The following MEGF10 variants were observed in gnomAD, a reference collection of about 807,000 sequenced individuals.
MEGF10 encodes the protein multiple epidermal growth factor-like domains protein 10.
Under a neutral mutation model 147.5 loss-of-function variants are expected in MEGF10, and 86 were observed. The ratio of observed to expected loss-of-function variants is 0.58; its 90% CI spans 0.49 to 0.70. MEGF10 has a LOEUF of 0.70. Ranked by LOEUF, MEGF10 falls within the 30% of genes least tolerant of loss-of-function variation. The pLI, the probability that MEGF10 is intolerant of heterozygous loss-of-function variation, is 0.00. For missense variants in MEGF10, 1,329 were observed against 1,487.3 expected (o/e 0.89, Z 1.75); for synonymous variants, 478 against 525.5 (o/e 0.91, Z 1.24).
chr5:127,253,944 A>G, the MEGF10 span, among the ~76,000 whole-genome samples: 1 of 152,122 alleles, frequency 6.6e-6, no homozygotes, highest in Non-Finnish European at 1.5e-5. Flanking sequence ...GTTCTTATTT[A>G]AAATTTTTAT....
the MEGF10 span, among the ~76,000 whole-genome samples, chr5:127,255,264 T>C: frequency 6.6e-6 from 1 of 152,112 alleles, no homozygotes; most frequent in Admixed American, 6.6e-5. Flanking sequence ...ATAGGGGCAA[T>C]TGAGGAAGTC....
intron 5 of MEGF10, among the ~76,000 whole-genome samples, chr5:127,384,748 G>C (rs1763370511): frequency 6.6e-6 from 1 of 152,192 alleles, no homozygotes; most frequent in Non-Finnish European, 1.5e-5. Context: ...CTCTCCAGAG[G>C]GGTTTTTGAC....
At position 127,420,215 on chromosome 5, in the gene MEGF10, C is replaced by T; in HGVS notation, c.1590+8C>T. ...TGCGAACTTCCCTGCCAGGTATGCA[C>T]AAATCAGCGCCCTGACGGAAAACGC... On this transcript the variant is annotated splice_region_variant and intron_variant, in intron 12 of 24. Transcript: ENST00000503335. The T allele has an allele frequency of 6.2e-7, 1 of 1,612,494 alleles. No homozygotes were observed. Among genetic ancestry groups the T allele is most frequent in the East Asian group, 2.2e-5 (1 of 44,838 alleles).
chr5:127,393,611 T>C (rs1273123622), intron 5 of MEGF10, among the ~76,000 whole-genome samples: 1 of 152,234 alleles, frequency 6.6e-6, no homozygotes. Context: ...GGTCCATGTA[T>C]TAGTGGCATT....
chr5:127,427,113 C>T (rs1027436441), intron 13 of MEGF10, among the ~76,000 whole-genome samples: 1 of 152,230 alleles, frequency 6.6e-6, no homozygotes, highest in African/African-American at 2.4e-5. Context: ...CCCAACTTAG[C>T]CCCTTGGGCA....
At chr5:127,357,382 C>T (rs747584551) in intron 4 of MEGF10, among the ~76,000 whole-genome samples, 9 of 151,740 alleles carry the variant, frequency 5.9e-5, no homozygotes, top group South Asian at 2.1e-4. Flanking sequence ...ACTACATGAT[C>T]GGTTAATAGG....
At chr5:127,369,330 G>C (rs1233090649) in intron 4 of MEGF10, among the ~76,000 whole-genome samples, 1 of 152,060 alleles carries the variant, frequency 6.6e-6, no homozygotes, top group African/African-American at 2.4e-5. Flanking sequence ...TAATGAAAGA[G>C]GATTGAGATT....
chr5:127,366,545 A>G (rs1309306678), intron 4 of MEGF10, among the ~76,000 whole-genome samples: 2 of 152,230 alleles, frequency 1.3e-5, no homozygotes, highest in African/African-American at 4.8e-5. Flanking sequence ...AAAAGAAATC[A>G]TTAGGGAAGC....
At chr5:127,261,809 G>T in the MEGF10 span, among the ~76,000 whole-genome samples, 1 of 152,022 alleles carries the variant, frequency 6.6e-6, no homozygotes, top group Non-Finnish European at 1.5e-5. Context: ...TTCTTAGTGG[G>T]TATGAAGTGA....
In MEGF10 at chr5:127,435,392, T is replaced by C. The variant is rs371031733; in HGVS notation, c.2007T>C (p.Cys669=). 1.9e-6 allele frequency: 3 copies of C among 1,614,058 alleles called. No individual in the cohort carries two copies. The highest frequency in any genetic ancestry group is 2.5e-6 in the Non-Finnish European group (3 of 1,180,026). The change falls in exon 16 of 25, where the codon TGT becomes TGC. Residue 669 remains cysteine, a synonymous_variant. Transcript: ENST00000503335. The stretch of plus-strand genomic sequence containing the variant: ...CCAGTGGCAGATTTGGGAAAAACTG[T>C]GCAGGAATTTGTACCTGCACCAACA... ...VCPSGRFGKN[C]AGICTCTNNG... is the part of the protein sequence containing the mutation.
intron 1 of MEGF10, among the ~76,000 whole-genome samples, chr5:127,325,557 C>A (rs1185745427): frequency 6.6e-6 from 1 of 151,976 alleles, no homozygotes; most frequent in Non-Finnish European, 1.5e-5. Flanking sequence ...GTCTCTGTTC[C>A]CATAGCAGCT....
At chr5:127,435,604 A>G in intron 16 of MEGF10, 115 bp downstream of exon 16, 1 of 1,037,552 alleles carries the variant, frequency 9.6e-7, no homozygotes, top group Admixed American at 3.7e-5. Context: ...TGACTAATTA[A>G]AAGACACATT....
intron 5 of MEGF10, among the ~76,000 whole-genome samples, chr5:127,374,450 C>T (rs1212091837): frequency 1.3e-5 from 2 of 152,216 alleles, no homozygotes; most frequent in Non-Finnish European, 2.9e-5. Context: ...ACTGTTGACG[C>T]ATACTCCTTT....
intron 5 of MEGF10, among the ~76,000 whole-genome samples, chr5:127,381,252 T>C (rs1038903265): frequency 2.6e-5 from 4 of 152,222 alleles, no homozygotes; most frequent in African/African-American, 9.6e-5. Flanking sequence ...GACTACAAAT[T>C]ATTTCTAATC....
At chr5:127,403,881 G>A (rs185260056) in intron 8 of MEGF10, among the ~76,000 whole-genome samples, 80 of 152,222 alleles carry the variant, frequency 5.3e-4, no homozygotes, top group South Asian at 1.7e-3. Context: ...CTTAGCTATT[G>A]TAAACAGTGC....
intron 13 of MEGF10, among the ~76,000 whole-genome samples, chr5:127,428,285 A>T (rs1765273804): frequency 6.6e-6 from 1 of 151,986 alleles, no homozygotes; most frequent in African/African-American, 2.4e-5. Context: ...CATAGTATCC[A>T]AATAGAAAGA....
intron 9 of MEGF10, among the ~76,000 whole-genome samples, chr5:127,414,495 A>G (rs1764683133): frequency 6.6e-6 from 1 of 152,186 alleles, no homozygotes; most frequent in African/African-American, 2.4e-5. Context: ...ACATGGTGAC[A>G]TTCATGAGTT....
chr5:127,457,229 G>C lies in MEGF10; in HGVS notation c.3334G>C (p.Asp1112His). The C allele has an allele frequency of 6.2e-7, 1 of 1,614,104 alleles. No individual in the cohort carries two copies. The highest frequency in any genetic ancestry group is 8.5e-7 in the Non-Finnish European group (1 of 1,180,020). Reference protein sequence around the residue: ...PKNSHIPCHYDLLPVRDSSSS... With the variant: ...PKNSHIPCHYHLLPVRDSSSS... ...GAACAGTCACATCCCTTGTCATTAT[G>C]ACCTGCTGCCAGTCCGAGACAGTTC... is the stretch of plus-strand genomic sequence containing the variant. The change falls in exon 25 of 25, where the codon GAC (aspartate) becomes CAC (histidine). Residue 1112 changes from aspartate to histidine, a missense_variant. Coordinates refer to ENST00000503335, the MANE Select transcript of MEGF10 (RefSeq NM_001256545.2).
At chr5:127,336,154 G>C (rs1254205385) in intron 2 of MEGF10, among the ~76,000 whole-genome samples, 7 of 151,344 alleles carry the variant, frequency 4.6e-5, no homozygotes, top group Admixed American at 2.0e-4. Flanking sequence ...TTGTACTATA[G>C]TTTAATATAG....
Sources: gnomAD v4.1 joint callset for allele counts (sites outside exome capture counted in the v4.1 genomes callset) on GRCh38, gnomAD v4.1.1 for gene constraint, MANE v1.5 for transcripts, NCBI Gene and HGNC (gene_info 2026-07-23, HGNC 2026-07-21) for gene names.